Variants in GBE1 observed in about 807,000 individuals in gnomAD.
GBE1 encodes 1,4-alpha-glucan branching enzyme 1, also known as 1,4-alpha-glucan-branching enzyme.
Under a neutral mutation model 88.8 loss-of-function variants are expected in GBE1, and 70 were observed. That is an observed-to-expected ratio of 0.79 (90% CI 0.65 to 0.96). GBE1 has a LOEUF of 0.96. Ranked by LOEUF, GBE1 falls within the 40% of genes least tolerant of loss-of-function variation. The probability of loss-of-function intolerance (pLI) is 0.00; values close to 1 mark genes in which losing one functional copy is unlikely to be tolerated. For missense variants in GBE1, 872 were observed against 871.0 expected (o/e 1.00, Z -0.01); for synonymous variants, 284 against 300.1 (o/e 0.95, Z 0.56).
At chr3:81,722,738 C>T (rs1393153396) in intron 1 of GBE1, among the ~76,000 whole-genome samples, 1 of 151,556 alleles carries the variant, frequency 6.6e-6, no homozygotes, top group African/African-American at 2.4e-5. Flanking sequence ...TAAACCTGAC[C>T]ATTCTGCTGA....
chr3:81,595,070 T>C (rs1703938340), intron 7 of GBE1, among the ~76,000 whole-genome samples: 1 of 151,538 alleles, frequency 6.6e-6, no homozygotes, highest in Non-Finnish European at 1.5e-5. Flanking sequence ...AAGATGAGTG[T>C]TGTTAGTAAT....
chr3:81,645,369 A>G (rs918594461), intron 6 of GBE1, among the ~76,000 whole-genome samples: 65 of 152,316 alleles, frequency 4.3e-4, no homozygotes, highest in African/African-American at 1.5e-3. Context: ...AGGGAAAGAA[A>G]AAGGTTTCAA....
At chr3:81,563,003 G>A (rs1020506139) in intron 12 of GBE1, among the ~76,000 whole-genome samples, 2 of 151,898 alleles carry the variant, frequency 1.3e-5, no homozygotes, top group African/African-American at 4.8e-5. Flanking sequence ...CAGGAGAAAG[G>A]TTGCCAGAGC....
chr3:81,761,308 T>A (rs1464642413), intron 1 of GBE1, 67 bp downstream of exon 1: 3 of 1,533,666 alleles, frequency 2.0e-6, no homozygotes, highest in Non-Finnish European at 2.6e-6. Flanking sequence ...GGGCGGCCCG[T>A]GTCCCGAGAC....
intron 7 of GBE1, among the ~76,000 whole-genome samples, chr3:81,620,344 G>A (rs897023383): frequency 4.6e-5 from 7 of 151,834 alleles, no homozygotes; most frequent in East Asian, 1.9e-4. Flanking sequence ...CACCACGCCC[G>A]GCCATTTTTT....
intron 2 of GBE1, among the ~76,000 whole-genome samples, chr3:81,676,244 C>A (rs897772159): frequency 2.0e-5 from 3 of 151,966 alleles, no homozygotes; most frequent in Non-Finnish European, 4.4e-5. Flanking sequence ...GCCTAGCCCC[C>A]ACAGTGTTCA....
At chr3:81,732,053 G>C (rs1038078240) in intron 1 of GBE1, among the ~76,000 whole-genome samples, 11 of 152,054 alleles carry the variant, frequency 7.2e-5, no homozygotes, top group African/African-American at 2.4e-4. Context: ...TTCAGACAAT[G>C]ATTACATCAC....
chr3:81,733,959 ATC>A lies in GBE1; in HGVS notation c.143+27414_143+27415del, dbSNP rs1706221646. 6.6e-6 allele frequency among the ~76,000 whole-genome samples: 1 copy of A among 152,146 alleles called. No homozygotes were observed. Among genetic ancestry groups the A allele is most frequent in the Admixed American group, 6.6e-5 (1 of 15,252 alleles). On this transcript the variant is annotated intron_variant, in intron 1 of 15. Transcript: ENST00000429644. The surrounding 1 kb of genome is among the most constrained non-coding windows in gnomAD (Gnocchi z 4.0). The stretch of plus-strand genomic sequence containing the variant: ...AGAGTTGTACAAATTTGCCTTTCCT[ATC>A]TATATAAGTACTTATTTTCTGAAGC...
chr3:81,719,226 G>A (rs539240646), intron 1 of GBE1, among the ~76,000 whole-genome samples: 1 of 152,046 alleles, frequency 6.6e-6, no homozygotes, highest in South Asian at 2.1e-4. Context: ...CGTTTGGTTG[G>A]TTGGTTTTGA....
intron 3 of GBE1, among the ~76,000 whole-genome samples, chr3:81,669,930 T>G (rs760665622): frequency 1.3e-5 from 2 of 152,164 alleles, no homozygotes; most frequent in Non-Finnish European, 2.9e-5. Context: ...AAACATACTG[T>G]GCATTTTGAT....
rs1704532250 is a variant in GBE1 at position 81,632,708 on chromosome 3, T to C, written c.992+10073A>G. On this transcript the variant is annotated intron_variant, in intron 7 of 15. Coordinates refer to ENST00000429644, the MANE Select transcript of GBE1 (RefSeq NM_000158.4). ...CCCAGCAATCCCATTACTAGGTATA[T>C]ACCCAAAGGATTATATATTTTACTT... Among the ~76,000 whole-genome samples the C allele has an allele frequency of 4.6e-5, 7 of 152,310 alleles. No individual in the cohort carries two copies. In the South Asian group the frequency reaches 1.4e-3, roughly 32 times the overall value.
intron 3 of GBE1, among the ~76,000 whole-genome samples, chr3:81,657,124 C>T (rs1182715629): frequency 6.8e-6 from 1 of 147,334 alleles, no homozygotes; most frequent in African/African-American, 2.6e-5. Context: ...CCACTGCACT[C>T]CAGCCGTCTC....
chr3:81,656,789 C>T (rs907388488), intron 3 of GBE1, among the ~76,000 whole-genome samples: 5 of 152,132 alleles, frequency 3.3e-5, no homozygotes, highest in African/African-American at 9.7e-5. Flanking sequence ...GTCTCCTTGA[C>T]GATTCCCAGG....
intron 12 of GBE1, among the ~76,000 whole-genome samples, chr3:81,538,139 G>A (rs541796107): frequency 1.5e-4 from 22 of 151,676 alleles, no homozygotes; most frequent in South Asian, 4.2e-4. Flanking sequence ...AATTAATGCC[G>A]CAAATTTCTA....
intron 1 of GBE1, among the ~76,000 whole-genome samples, chr3:81,712,187 CTT>C (rs1445590263): frequency 1.3e-5 from 2 of 152,196 alleles, no homozygotes; most frequent in Non-Finnish European, 2.9e-5. Context: ...AATAGGAACA[CTT>C]TTACACTGTT....
intron 14 of GBE1, among the ~76,000 whole-genome samples, chr3:81,513,331 TAACAGGG>T (rs1048295249): frequency 5.3e-5 from 8 of 151,564 alleles, no homozygotes; most frequent in Non-Finnish European, 7.4e-5. Context: ...GGAAGAGATT[TAACAGGG>T]AACAGAAGAG....
At chr3:81,663,401 C>A (rs1430643580) in intron 3 of GBE1, among the ~76,000 whole-genome samples, 3 of 152,066 alleles carry the variant, frequency 2.0e-5, no homozygotes, top group East Asian at 1.9e-4. Context: ...ATCAGCATGC[C>A]CGCAGGCCAT....
At chr3:81,626,996 A>T (rs552749989) in intron 7 of GBE1, among the ~76,000 whole-genome samples, 1 of 152,260 alleles carries the variant, frequency 6.6e-6, no homozygotes, top group Non-Finnish European at 1.5e-5. Context: ...TCCTTGGTGG[A>T]TTATTTCCCA....
At chr3:81,499,269 G>A (rs1702555232) in intron 14 of GBE1, 42 bp from the exon 15 acceptor site, 1 of 1,168,248 alleles carries the variant, frequency 8.6e-7, no homozygotes, top group Non-Finnish European at 1.3e-6. Context: ...GGAGTTGAAT[G>A]AGACATTGTA....
Sources: allele counts gnomAD v4.1 joint callset (sites outside exome capture counted in the v4.1 genomes callset), GRCh38; gene constraint gnomAD v4.1.1; non-coding constraint Gnocchi (gnomAD v3.1); transcripts MANE v1.5; gene names NCBI Gene and HGNC (gene_info 2026-07-23, HGNC 2026-07-21).